Variants in ITSN1 observed in about 807,000 individuals in gnomAD.
ITSN1 encodes the protein intersectin 1, also known as intersectin-1.
A neutral mutation model predicts 239.8 loss-of-function variants in ITSN1; 58 were observed. The observed-to-expected ratio is 0.24, with a 90% CI of 0.20 to 0.30. ITSN1 has a LOEUF of 0.30. Among genes scored for constraint, ITSN1 ranks in the 10% least tolerant of loss-of-function variants. ITSN1 has a pLI of 1.00. For missense variants in ITSN1, 1,558 were observed against 2,103.3 expected, an observed-to-expected ratio of 0.74 and a Z score of 5.07; for synonymous variants, 780 against 770.8, an observed-to-expected ratio of 1.01 and a Z score of -0.20.
chr21:33,672,925 T>A (rs927367627), intron 1 of ITSN1, among the ~76,000 whole-genome samples: 1 of 152,196 alleles, frequency 6.6e-6, no homozygotes, highest in Non-Finnish European at 1.5e-5. Context: ...TTGGCCAGGA[T>A]GGTCTCGATC....
chr21:33,690,775 GTATATATATATATACATATA>G (rs1236353585), intron 1 of ITSN1, among the ~76,000 whole-genome samples: 1 of 21,612 alleles, frequency 4.6e-5, no homozygotes, highest in South Asian at 1.5e-3. Flanking sequence ...AAAAAAAAGT[GTATATATATATATACATATA>G]TATATATATA....
In ITSN1 at chr21:33,894,041, T is replaced by C. The variant is rs996301258; in HGVS notation, c.*5741T>C. 6.6e-6 allele frequency: 1 copy of C among 152,268 alleles called. No homozygotes were observed. Among genetic ancestry groups the C allele is most frequent in the African/African-American group, 2.4e-5 (1 of 41,420 alleles). The allele number at this position is 152,268 out of a possible 1,614,324, so 9.4% of individuals were successfully genotyped here. Reference sequence around the variant, plus strand: ...GCACTGTTCATTTAGGGAGTCCCCATCCTGGTCCAGGCCACCCTCCTAGAA... The same window carrying C: ...GCACTGTTCATTTAGGGAGTCCCCACCCTGGTCCAGGCCACCCTCCTAGAA... On this transcript the variant is annotated 3_prime_UTR_variant, in exon 40 of 40. Transcript: ENST00000381318.
At chr21:33,802,582 G>T in intron 20 of ITSN1, 138 bp downstream of exon 20, 2 of 771,472 alleles carry the variant, frequency 2.6e-6, no homozygotes, top group South Asian at 1.9e-5. Context: ...TGTGTAGTAG[G>T]TTGTGCTTTT....
At chr21:33,862,090 TG>T (rs916177065) in intron 31 of ITSN1, among the ~76,000 whole-genome samples, 3 of 99,668 alleles carry the variant, frequency 3.0e-5, no homozygotes, top group Non-Finnish European at 5.7e-5. Flanking sequence ...TTGAACCCGG[TG>T]GGGGCAGAGG....
rs1222397037 is a variant in ITSN1, at chr21:33,767,698, T to C, written c.927-15T>C. The C allele has an allele frequency of 6.7e-7, 1 of 1,488,012 alleles. No homozygotes were observed. Among genetic ancestry groups the C allele is most frequent in the African/African-American group, 1.4e-5 (1 of 72,030 alleles). 92.2% of individuals were successfully genotyped at this position (1,488,012 alleles called of 1,614,324 possible). Reference sequence around the variant, plus strand: ...CTCTGTGTGAATCTATTTTTCTTTTTCCCCGCAATTGCAGAAGAGTTCGAT... The same window carrying C: ...CTCTGTGTGAATCTATTTTTCTTTTCCCCCGCAATTGCAGAAGAGTTCGAT... On this transcript the variant is annotated splice_polypyrimidine_tract_variant and intron_variant, in intron 10 of 39. Transcript: ENST00000381318.
At chr21:33,704,254 G>A (rs918020756) in intron 1 of ITSN1, among the ~76,000 whole-genome samples, 9 of 152,158 alleles carry the variant, frequency 5.9e-5, no homozygotes, top group African/African-American at 2.2e-4. Context: ...TTATATGTCA[G>A]CATTCTATTA....
chr21:33,687,314 C>T (rs1487944190), intron 1 of ITSN1, among the ~76,000 whole-genome samples: 2 of 144,344 alleles, frequency 1.4e-5, no homozygotes, highest in Non-Finnish European at 3.0e-5. Context: ...ACGAGAATTG[C>T]TTGAACCTGT....
chr21:33,807,970 G>A lies in ITSN1; in HGVS notation c.2320-3005G>A, dbSNP rs1389680069. Among the ~76,000 whole-genome samples, 3 of 151,686 alleles carry A rather than the reference G, an allele frequency of 2.0e-5. 1 individual carries two copies. The highest frequency in any genetic ancestry group is 4.4e-5 in the Non-Finnish European group (3 of 67,964). ...GGAGGCCGAGGCGGGTGGATCATGA[G>A]GTCAGGAGATCGAGACCATCCTGGC... On this transcript the variant is annotated intron_variant, in intron 20 of 39. Coordinates refer to ENST00000381318, the MANE Select transcript of ITSN1 (RefSeq NM_003024.3).
chr21:33,785,296 A>G (rs2070568378), intron 16 of ITSN1, among the ~76,000 whole-genome samples: 1 of 152,198 alleles, frequency 6.6e-6, no homozygotes, highest in Non-Finnish European at 1.5e-5. Context: ...GCAATAAGTC[A>G]TTCACCTACT....
intron 1 of ITSN1, among the ~76,000 whole-genome samples, chr21:33,666,783 T>C (rs950673415): frequency 2.6e-5 from 4 of 152,128 alleles, no homozygotes; most frequent in African/African-American, 9.7e-5. Flanking sequence ...TTGTTGAGAG[T>C]TATTTGCTTT....
intron 27 of ITSN1, among the ~76,000 whole-genome samples, chr21:33,833,728 G>A (rs751118741): frequency 1.3e-5 from 2 of 152,046 alleles, no homozygotes; most frequent in Non-Finnish European, 2.9e-5. Flanking sequence ...AAAATTAGCC[G>A]GGCATGGTTG....
At chr21:33,796,195 A>G (rs1462345581) in intron 17 of ITSN1, among the ~76,000 whole-genome samples, 1 of 151,636 alleles carries the variant, frequency 6.6e-6, no homozygotes, top group Non-Finnish European at 1.5e-5. Flanking sequence ...CTGGTCTAGA[A>G]CTCCTGACCT....
chr21:33,871,737 C>A (rs938028125), intron 33 of ITSN1, among the ~76,000 whole-genome samples: 6 of 123,678 alleles, frequency 4.9e-5, no homozygotes, highest in Non-Finnish European at 7.3e-5. Context: ...GAGACTCAGT[C>A]TCAAAAAAAA....
intron 1 of ITSN1, among the ~76,000 whole-genome samples, chr21:33,679,338 G>C (rs933788384): frequency 6.6e-6 from 1 of 152,150 alleles, no homozygotes; most frequent in African/African-American, 2.4e-5. Flanking sequence ...TTCACTGCAT[G>C]GGTACTCTGA....
chr21:33,702,866 T>G (rs926798174), intron 1 of ITSN1, among the ~76,000 whole-genome samples: 1 of 152,106 alleles, frequency 6.6e-6, no homozygotes, highest in Non-Finnish European at 1.5e-5. Context: ...TCACCTGAGG[T>G]CAGGAGTTCA....
intron 25 of ITSN1, among the ~76,000 whole-genome samples, chr21:33,824,961 C>T (rs190607631): frequency 6.6e-6 from 1 of 152,278 alleles, no homozygotes; most frequent in East Asian, 1.9e-4. Context: ...GAATTCAATT[C>T]TTCTCCAGGC....
intron 29 of ITSN1, among the ~76,000 whole-genome samples, chr21:33,851,778 C>CTTTTTTTTTTTTTTT (rs35567402): frequency 3.0e-5 from 2 of 66,206 alleles, no homozygotes; most frequent in African/African-American, 1.3e-4. Context: ...CTTTTCTTTC[C>CTTTTTTTTTTTTTTT]TTTTTTTTTT....
At chr21:33,676,830 G>A (rs1236346613) in intron 1 of ITSN1, among the ~76,000 whole-genome samples, 2 of 152,084 alleles carry the variant, frequency 1.3e-5, no homozygotes, top group African/African-American at 4.8e-5. Flanking sequence ...CTTCATCCAT[G>A]CCCCTACAAA....
chr21:33,665,454 A>G (rs1040365230), intron 1 of ITSN1, among the ~76,000 whole-genome samples: 3 of 152,184 alleles, frequency 2.0e-5, no homozygotes, highest in Admixed American at 1.3e-4. Flanking sequence ...AACCATTAGT[A>G]TGGCTATCAT....
Sources: allele counts gnomAD v4.1 joint callset (sites outside exome capture counted in the v4.1 genomes callset), GRCh38; gene constraint gnomAD v4.1.1; transcripts MANE v1.5; gene names NCBI Gene and HGNC (gene_info 2026-07-23, HGNC 2026-07-21).